GARIN5A: variants seen among roughly 807,000 people sequenced by gnomAD.
GARIN5A encodes the protein golgi associated RAB2 interactor 5A.
At chr19:50,473,623 G>A in the GARIN5A span, among the ~76,000 whole-genome samples, 1 of 152,074 alleles carries the variant, frequency 6.6e-6, no homozygotes, top group South Asian at 2.1e-4. Context: ...GCCTCCCAAA[G>A]TGCTGGGATT....
the GARIN5A span, among the ~76,000 whole-genome samples, chr19:50,472,454 G>C: frequency 1.3e-5 from 2 of 152,180 alleles, no homozygotes; most frequent in African/African-American, 4.8e-5. Flanking sequence ...CACTTCAGTG[G>C]TATGTTCATT....
chr19:50,469,591 G>T, the GARIN5A span, among the ~76,000 whole-genome samples: 1 of 152,142 alleles, frequency 6.6e-6, no homozygotes, highest in African/African-American at 2.4e-5. Flanking sequence ...TGAGTATCTT[G>T]GTAAATTGAT....
At chr19:50,474,474 T>C in the GARIN5A span, among the ~76,000 whole-genome samples, 3 of 151,750 alleles carry the variant, frequency 2.0e-5, no homozygotes, top group African/African-American at 4.8e-5. Context: ...GCCTCCCGAG[T>C]AGCTGGGACT....
the GARIN5A span, among the ~76,000 whole-genome samples, chr19:50,473,933 G>A: frequency 6.6e-6 from 1 of 151,996 alleles, no homozygotes; most frequent in Admixed American, 6.6e-5. Flanking sequence ...GTTGCAGTGA[G>A]CCGAGGTTGT....
At chr19:50,473,522 T>C in the GARIN5A span, among the ~76,000 whole-genome samples, 2 of 152,046 alleles carry the variant, frequency 1.3e-5, no homozygotes, top group Non-Finnish European at 1.5e-5. Context: ...CCTGGCTAGC[T>C]TTGTAATTTT....
the GARIN5A span, chr19:50,476,543 A>G: frequency 6.4e-7 from 1 of 1,572,014 alleles, no homozygotes; most frequent in Non-Finnish European, 8.6e-7. Flanking sequence ...GAAGAAGCCG[A>G]GATGGCGGCA....
chr19:50,471,695 C>A, the GARIN5A span, among the ~76,000 whole-genome samples: 3 of 146,152 alleles, frequency 2.1e-5, no homozygotes, highest in East Asian at 5.9e-4. Context: ...TGTGTGTATA[C>A]GCATACATGC....
At chr19:50,470,513 CA>C in the GARIN5A span, among the ~76,000 whole-genome samples, 4,424 of 127,750 alleles carry the variant, frequency 0.035, 156 homozygotes, top group African/African-American at 0.092. Context: ...GGCTCCGTCT[CA>C]AAAAAAAAAA....
chr19:50,472,365 G>C, the GARIN5A span, among the ~76,000 whole-genome samples: 1 of 151,946 alleles, frequency 6.6e-6, no homozygotes, highest in Non-Finnish European at 1.5e-5. Flanking sequence ...ATAGCTCAGG[G>C]CTGGAAGTTG....
At chr19:50,476,241 G>T in the GARIN5A span, 6 of 1,613,324 alleles carry the variant, frequency 3.7e-6, no homozygotes, top group Middle Eastern at 1.6e-4. Context: ...AGGAGCAGAG[G>T]GAGAAAGCGA....
the GARIN5A span, chr19:50,467,729 G>T: frequency 6.2e-7 from 1 of 1,604,770 alleles, no homozygotes; most frequent in Non-Finnish European, 8.5e-7. Flanking sequence ...AGTGGGGCCC[G>T]CAGCTGCAAG....
At chr19:50,475,469 T>A in the GARIN5A span, 1 of 1,596,598 alleles carries the variant, frequency 6.3e-7, no homozygotes, top group Non-Finnish European at 8.5e-7. Context: ...GGGCCAGAGG[T>A]CAGAGGTCGG....
At chr19:50,473,802 C>T in the GARIN5A span, among the ~76,000 whole-genome samples, 2 of 152,128 alleles carry the variant, frequency 1.3e-5, no homozygotes, top group African/African-American at 4.8e-5. Flanking sequence ...GCCTGGCCAA[C>T]ATGGTGAAAC....
At chr19:50,476,601 A>G in the GARIN5A span, 2 of 1,569,156 alleles carry the variant, frequency 1.3e-6, no homozygotes, top group South Asian at 1.1e-5. Context: ...TGATGGCGGT[A>G]GCAGCGCCCA....
the GARIN5A span, among the ~76,000 whole-genome samples, chr19:50,474,648 G>A: frequency 4.0e-5 from 6 of 151,356 alleles, 1 homozygote; most frequent in Non-Finnish European, 8.8e-5. Flanking sequence ...CCCGGCCCTG[G>A]CTAATTTTTT....
the GARIN5A span, among the ~76,000 whole-genome samples, chr19:50,473,789 C>A: frequency 6.6e-6 from 1 of 152,166 alleles, no homozygotes; most frequent in South Asian, 2.1e-4. Flanking sequence ...GAGTTCGAGA[C>A]CAGCCTGGCC....
the GARIN5A span, among the ~76,000 whole-genome samples, chr19:50,474,956 C>T: frequency 1.1e-4 from 17 of 152,152 alleles, no homozygotes; most frequent in Admixed American, 3.9e-4. Flanking sequence ...GCTCTCTGAG[C>T]CTCAGTTTAG....
chr19:50,470,060 G>A, the GARIN5A span, among the ~76,000 whole-genome samples: 1 of 152,230 alleles, frequency 6.6e-6, no homozygotes, highest in Admixed American at 6.5e-5. Flanking sequence ...CAGGTAGGTT[G>A]AGCTTGGCCA....
the GARIN5A span, among the ~76,000 whole-genome samples, chr19:50,469,859 C>CA: frequency 6.6e-6 from 1 of 152,206 alleles, no homozygotes; most frequent in South Asian, 2.1e-4. Flanking sequence ...ACCGAGATGC[C>CA]AACAAACCCC....
Sources: allele counts gnomAD v4.1 joint callset (sites outside exome capture counted in the v4.1 genomes callset), GRCh38; gene constraint gnomAD v4.1.1; transcripts MANE v1.5; gene names NCBI Gene and HGNC (gene_info 2026-07-23, HGNC 2026-07-21).